Variants in ESRRG observed in about 807,000 individuals in gnomAD.
The protein encoded by ESRRG is estrogen related receptor gamma.
A neutral mutation model predicts 44.0 loss-of-function variants in ESRRG; 13 were observed. The ratio of observed to expected loss-of-function variants is 0.30; its 90% CI spans 0.19 to 0.47. The LOEUF (loss-of-function observed/expected upper bound fraction) is 0.47. Ranked by LOEUF, ESRRG falls within the 20% of genes least tolerant of loss-of-function variation. The pLI is 1.00. For synonymous variants in ESRRG, 215 were observed against 214.6 expected, an observed-to-expected ratio of 1.00 and a Z score of -0.02; for missense variants, 395 against 580.6, an observed-to-expected ratio of 0.68 and a Z score of 3.29.
At chr1:216,730,304 G>GAAAAAAAAAAAAAAA (rs2088479150) in intron 2 of ESRRG, among the ~76,000 whole-genome samples, 1 of 20,540 alleles carries the variant, frequency 4.9e-5, no homozygotes, top group Non-Finnish European at 9.5e-5. Context: ...GCTTAGAAAG[G>GAAAAAAAAAAAAAAA]TAAAAAAAAA....
chr1:216,790,408 T>A (rs2094281552), intron 2 of ESRRG, among the ~76,000 whole-genome samples: 1 of 152,244 alleles, frequency 6.6e-6, no homozygotes, highest in African/African-American at 2.4e-5. Flanking sequence ...AAGGCATAAG[T>A]CACTTTATAA....
intron 1 of ESRRG, among the ~76,000 whole-genome samples, chr1:217,017,519 T>C (rs1490758500): frequency 2.0e-5 from 3 of 149,978 alleles, no homozygotes; most frequent in Admixed American, 1.3e-4. Context: ...ACTCCACTGT[T>C]TGCAGTGTTC....
chr1:216,931,254 T>C (rs950496174), intron 2 of ESRRG, among the ~76,000 whole-genome samples: 1 of 152,200 alleles, frequency 6.6e-6, no homozygotes, highest in Non-Finnish European at 1.5e-5. Flanking sequence ...AGGTATTCCT[T>C]ACCCTTATTG....
intron 5 of ESRRG, among the ~76,000 whole-genome samples, chr1:216,548,020 T>C (rs17667976): frequency 0.01 from 1,548 of 152,132 alleles, 8 homozygotes; most frequent in Middle Eastern, 0.027. Context: ...TTGAGCTACG[T>C]GGGTTGGCTA....
intron 2 of ESRRG, among the ~76,000 whole-genome samples, chr1:216,654,822 T>C (rs1380991600): frequency 2.0e-5 from 3 of 152,060 alleles, no homozygotes; most frequent in East Asian, 1.9e-4. Flanking sequence ...CATACTGATA[T>C]GAATAGGATA....
chr1:216,719,147 A>G (rs2085589861), intron 1 of ESRRG, among the ~76,000 whole-genome samples: 1 of 152,026 alleles, frequency 6.6e-6, no homozygotes, highest in African/African-American at 2.4e-5. Flanking sequence ...GAGATTGGGC[A>G]TTATGCCTAC....
intron 1 of ESRRG, among the ~76,000 whole-genome samples, chr1:217,123,591 A>G (rs890162507): frequency 4.6e-5 from 7 of 152,188 alleles, no homozygotes; most frequent in Non-Finnish European, 8.8e-5. Context: ...GAATGAGATC[A>G]TGTCCTTCGC....
intron 2 of ESRRG, among the ~76,000 whole-genome samples, chr1:216,914,852 G>A (rs2060942000): frequency 6.6e-6 from 1 of 152,170 alleles, no homozygotes; most frequent in African/African-American, 2.4e-5. Context: ...AAGACAGACA[G>A]GCAACAGGAA....
rs1424450808 is a variant in ESRRG, at chr1:216,677,283, G to A, written c.265C>T (p.Pro89Ser). The change falls in exon 2 of 7, where the codon CCT becomes TCT. Residue 89 changes from proline to serine, a missense_variant. Pro to Ser is a moderately conservative substitution (Grantham distance 74). Around this residue, in one of 5 missense-constraint regions of ESRRG, gnomAD observed 148 missense variants for 150.4 expected, o/e 0.98. Coordinates refer to ENST00000408911, the MANE Select transcript of ESRRG (RefSeq NM_001438.4). Reference sequence around the variant, plus strand: ...ACAGGCCCACTACCTCCCAGGATAGGAGCAGAAGGGTAGAGAGGTGGCGAG... The same window carrying A: ...ACAGGCCCACTACCTCCCAGGATAGAAGCAGAAGGGTAGAGAGGTGGCGAG... ...LDSPPLYPSA[P>S]ILGGSGPVRK... is the part of the protein sequence containing the mutation. 11 of 1,614,122 alleles carry A rather than the reference G, an allele frequency of 6.8e-6. No individual in the cohort carries two copies. The highest frequency in any genetic ancestry group is 9.3e-6 in the Non-Finnish European group (11 of 1,180,020).
At chr1:216,846,687 T>C (rs563087435) in intron 2 of ESRRG, among the ~76,000 whole-genome samples, 1 of 152,258 alleles carries the variant, frequency 6.6e-6, no homozygotes, top group Admixed American at 6.5e-5. Flanking sequence ...AAATATCTAT[T>C]ATTCATCTTA....
chr1:216,891,494 G>A (rs752269083), intron 2 of ESRRG, among the ~76,000 whole-genome samples: 14 of 152,304 alleles, frequency 9.2e-5, no homozygotes, highest in Non-Finnish European at 1.8e-4. Context: ...ACATACACAC[G>A]TACATATTAG....
At chr1:216,764,307 T>G (rs1435189207) in intron 2 of ESRRG, among the ~76,000 whole-genome samples, 1 of 151,722 alleles carries the variant, frequency 6.6e-6, no homozygotes, top group African/African-American at 2.4e-5. Context: ...TCTTGTTTTG[T>G]CCCCCAAGGT....
At chr1:216,968,596 G>T (rs1312228718) in intron 1 of ESRRG, among the ~76,000 whole-genome samples, 2 of 151,772 alleles carry the variant, frequency 1.3e-5, no homozygotes, top group African/African-American at 4.8e-5. Context: ...TAATCTACTT[G>T]CCTATTATTT....
intron 1 of ESRRG, among the ~76,000 whole-genome samples, chr1:216,968,619 ACT>A (rs2070943732): frequency 6.6e-6 from 1 of 151,138 alleles, no homozygotes; most frequent in African/African-American, 2.4e-5. Context: ...CCAATACCAC[ACT>A]GTCTTGATTA....
At chr1:216,912,137 AAAG>A (rs2060405775) in intron 2 of ESRRG, among the ~76,000 whole-genome samples, 1 of 26,012 alleles carries the variant, frequency 3.8e-5, no homozygotes, top group African/African-American at 2.3e-4. Context: ...AAAGAAAAGA[AAAG>A]AAAAGAAAAG....
At chr1:216,845,990 T>C (rs2095739988) in intron 2 of ESRRG, among the ~76,000 whole-genome samples, 1 of 152,298 alleles carries the variant, frequency 6.6e-6, no homozygotes, top group African/African-American at 2.4e-5. Context: ...CTCTTGTCTT[T>C]CTTTCCTTTG....
chr1:216,709,651 AT>A (rs892886333), intron 1 of ESRRG, among the ~76,000 whole-genome samples: 1 of 151,566 alleles, frequency 6.6e-6, no homozygotes, highest in African/African-American at 2.4e-5. Flanking sequence ...ATTAACTATG[AT>A]TTTTTTGCCA....
Position 216,713,530 on chromosome 1 carries a change from A to G in ESRRG, c.56+9714T>C, listed in dbSNP as rs529280001. On this transcript the variant is annotated intron_variant, in intron 1 of 6. Coordinates refer to ENST00000408911, the MANE Select transcript of ESRRG (RefSeq NM_001438.4). The stretch of plus-strand genomic sequence containing the variant: ...GAAAAAAGAGGGAGACTGGATTGAC[A>G]TAGGGCATAACTGCATCTTCTAACA... Among the ~76,000 whole-genome samples, 6 of 152,332 alleles carry G rather than the reference A, an allele frequency of 3.9e-5. No individual in the cohort carries two copies. The East Asian group carries it at 7.7e-4, about 20-fold the overall frequency.
intron 3 of ESRRG, among the ~76,000 whole-genome samples, chr1:216,642,313 C>T (rs1355957680): frequency 6.6e-6 from 1 of 152,076 alleles, no homozygotes; most frequent in Non-Finnish European, 1.5e-5. Flanking sequence ...AAGGTATATT[C>T]AGCTCTCAAA....
Sources: allele counts gnomAD v4.1 joint callset (sites outside exome capture counted in the v4.1 genomes callset), GRCh38; gene constraint gnomAD v4.1.1; regional missense constraint gnomAD v4.1.1; transcripts MANE v1.5; gene names NCBI Gene and HGNC (gene_info 2026-07-23, HGNC 2026-07-21).